Variants in FAM136A observed in about 807,000 individuals in gnomAD.
FAM136A encodes TIM double twin CX3C motif protein.
Under a neutral mutation model 21.6 loss-of-function variants are expected in FAM136A, and 25 were observed. The ratio of observed to expected loss-of-function variants is 1.16; its 90% confidence interval spans 0.84 to 1.62. The LOEUF is 1.62. Among genes scored for constraint, FAM136A ranks in the 40% most tolerant of loss-of-function variants. The probability of loss-of-function intolerance (pLI) is 0.00; values close to 1 mark genes in which losing one functional copy is unlikely to be tolerated. For synonymous variants in FAM136A, 119 were observed against 129.4 expected, an observed-to-expected ratio of 0.92 and a Z score of 0.55; for missense variants, 338 against 332.0, an observed-to-expected ratio of 1.02 and a Z score of -0.14.
intron 2 of FAM136A, among the ~76,000 whole-genome samples, chr2:70,298,370 A>G (rs1697310409): frequency 6.6e-6 from 1 of 152,218 alleles, no homozygotes; most frequent in South Asian, 2.1e-4. Context: ...TGCTGGGATT[A>G]TAGGTGTGAG....
At chr2:70,299,224 G>C (rs954053061) in intron 2 of FAM136A, among the ~76,000 whole-genome samples, 3 of 152,220 alleles carry the variant, frequency 2.0e-5, no homozygotes, top group African/African-American at 7.2e-5. Context: ...GGCTATGAAA[G>C]GCTGGCTTGG....
rs1697234531 is a variant in FAM136A at position 70,295,984 on chromosome 2, AAATT to A, written c.*1301_*1304del. ...GAAAGAAGACTCAATAGTGGGGAGAAAATTAAACCTTATTTATTTTTAAAGTCAA... is the reference window on the plus strand; with the variant it reads ...GAAAGAAGACTCAATAGTGGGGAGAAAAACCTTATTTATTTTTAAAGTCAA... On this transcript the variant is annotated 3_prime_UTR_variant, in exon 3 of 3. Transcript: ENST00000430566. The A allele has an allele frequency of 1.3e-5, 2 of 152,634 alleles. No homozygotes were observed. The highest frequency in any genetic ancestry group is 4.1e-4 in the South Asian group (2 of 4,838). The allele number at this position is 152,634 out of a possible 1,614,324, so 9.5% of individuals were successfully genotyped here. A position where few individuals can be genotyped will look rare whatever the true frequency, so the allele number is the denominator to read the frequency against.
In FAM136A at chr2:70,302,033, G is replaced by C. The variant is rs377292393; in HGVS notation, c.-22C>G. Reference sequence around the variant, plus strand: ...CCATGGCGACCCCGCGCTGCCCCGCGGCGCTCCGCGCCGGCGCCCATATGG... The same window carrying C: ...CCATGGCGACCCCGCGCTGCCCCGCCGCGCTCCGCGCCGGCGCCCATATGG... On this transcript the variant is annotated 5_prime_UTR_variant, in exon 1 of 3. Coordinates refer to ENST00000430566, the MANE Select transcript of FAM136A (RefSeq NM_001329752.2). 3.0e-4 allele frequency: 471 copies of C among 1,559,956 alleles called. No individual in the cohort carries two copies. In the African/African-American group the frequency reaches 6.2e-3, roughly 21 times the overall value.
At position 70,296,210 on chromosome 2, in the gene FAM136A, C is replaced by G. The variant is rs1158817684; in HGVS notation, c.*1079G>C. ...TAATGGGGGCTGTCTCTCCTTTGCT[C>G]TAAGGGAGTCAGCTCATCCTAGCCC... On this transcript the variant is annotated 3_prime_UTR_variant, in exon 3 of 3. Transcript: ENST00000430566. The G allele has an allele frequency of 6.4e-6, 1 of 156,222 alleles. No individual in the cohort carries two copies. The highest frequency in any genetic ancestry group is 1.4e-5 in the Non-Finnish European group (1 of 70,098). 9.7% of individuals were successfully genotyped at this position (156,222 alleles called of 1,614,324 possible).
intron 1 of FAM136A, 76 bp from the exon 2 acceptor site, chr2:70,301,056 A>G (rs1697383682): frequency 1.3e-6 from 2 of 1,497,472 alleles, no homozygotes; most frequent in Non-Finnish European, 1.8e-6. Context: ...TACAGGAGTT[A>G]GAAGGCCACG....
intron 2 of FAM136A, among the ~76,000 whole-genome samples, chr2:70,299,701 C>T (rs765601428): frequency 6.6e-6 from 1 of 151,854 alleles, no homozygotes; most frequent in Admixed American, 6.6e-5. Context: ...CCCGGATTCA[C>T]GCCATTCTCC....
rs908273631 is a variant in FAM136A at position 70,301,628 on chromosome 2, G to A, written c.384C>T (p.Ser128=). 5 of 1,535,780 alleles carry A rather than the reference G, an allele frequency of 3.3e-6. No individual in the cohort carries two copies. Among genetic ancestry groups the A allele is most frequent in the Admixed American group, 2.0e-5 (1 of 50,978 alleles). The part of the protein sequence containing the change: ...PWWQALAPPP[S]PLTRPLPQGL... ...CCTGCGGAAGGGGCCGCGTAAGAGG[G>A]GAAGGTGGTGGGGCGAGCGCCTGCC... is the stretch of plus-strand genomic sequence containing the variant. The change falls in exon 1 of 3, where the codon TCC becomes TCT. Residue 128 remains serine, a synonymous_variant. Coordinates refer to ENST00000430566, the MANE Select transcript of FAM136A (RefSeq NM_001329752.2).
In FAM136A at chr2:70,297,483, G is replaced by A; in HGVS notation, c.550-6C>T. 1 of 1,189,094 alleles carries A rather than the reference G, an allele frequency of 8.4e-7. No homozygotes were observed. Among genetic ancestry groups the A allele is most frequent in the Middle Eastern group, 2.0e-4 (1 of 5,020 alleles). 73.7% of individuals were successfully genotyped at this position (1,189,094 alleles called of 1,614,324 possible). ...GTGCACCGGGCCAGGCGGTCCTGTG[G>A]CAAGAAGGAAGAACGTAGAAAAAGC... On this transcript the variant is annotated splice_polypyrimidine_tract_variant and splice_region_variant and intron_variant, in intron 2 of 2. Transcript: ENST00000430566.
Position 70,297,401 on chromosome 2 carries a change from T to G in FAM136A, c.626A>C (p.Gln209Pro), listed in dbSNP as rs957724915. The change falls in exon 3 of 3, where the codon CAG (glutamine) becomes CCG (proline). Residue 209 changes from glutamine (Q) to proline (P), a missense_variant. Transcript: ENST00000430566. ...ACAACTGTCCAGCTGCTGCTTCACC[T>G]GAAGCTCCTTACTCCCAGCATCTAT... ...DSIDAGSKEL[Q>P]VKQQLDSCVT... The G allele has an allele frequency of 1.9e-6, 3 of 1,613,932 alleles. No homozygotes were observed. Among genetic ancestry groups the G allele is most frequent in the African/African-American group, 2.7e-5 (2 of 74,922 alleles).
chr2:70,301,248 G>C, intron 1 of FAM136A: 1 of 955,604 alleles, frequency 1.0e-6, no homozygotes. Flanking sequence ...AGGTTCGCCC[G>C]AGTGGGTGAG....
intron 1 of FAM136A, 168 bp downstream of exon 1, chr2:70,301,436 C>G: frequency 6.5e-7 from 1 of 1,535,456 alleles, no homozygotes; most frequent in Non-Finnish European, 8.7e-7. Context: ...CCGAAACACA[C>G]AGAGGCATTG....
Position 70,301,895 on chromosome 2 carries a change from G to A in FAM136A, c.117C>T (p.Pro39=), listed in dbSNP as rs746285350. The change falls in exon 1 of 3, where the codon CCC becomes CCT. Residue 39 remains proline, a synonymous_variant. Coordinates refer to ENST00000430566, the MANE Select transcript of FAM136A (RefSeq NM_001329752.2). The part of the protein sequence containing the change: ...QVAGLGPNQD[P]LLSGWVPGPS... ...GGCCCGGAACCCACCCGCTGAGAAG[G>A]GGGTCCTGGTTCGGCCCCAGCCCCG... 4 of 1,591,698 alleles carry A rather than the reference G, an allele frequency of 2.5e-6. No individual in the cohort carries two copies. Among genetic ancestry groups the A allele is most frequent in the Admixed American group, 3.5e-5 (2 of 56,800 alleles).
At position 70,302,020 on chromosome 2, in the gene FAM136A, C is replaced by T. The variant is rs932430352; in HGVS notation, c.-9G>A. The T allele has an allele frequency of 1.4e-5, 22 of 1,577,982 alleles. No individual in the cohort carries two copies. The highest frequency in any genetic ancestry group is 1.8e-5 in the Non-Finnish European group (21 of 1,165,442). On this transcript the variant is annotated 5_prime_UTR_variant, in exon 1 of 3. Coordinates refer to ENST00000430566, the MANE Select transcript of FAM136A (RefSeq NM_001329752.2). Reference sequence around the variant, plus strand: ...TGCTGCAGCTCAGCCATGGCGACCCCGCGCTGCCCCGCGGCGCTCCGCGCC... The same window carrying T: ...TGCTGCAGCTCAGCCATGGCGACCCTGCGCTGCCCCGCGGCGCTCCGCGCC...
At position 70,297,621 on chromosome 2, in the gene FAM136A, GTTTTTTT is replaced by G. The variant is rs55803921; in HGVS notation, c.550-151_550-145del. On this transcript the variant is annotated intron_variant, in intron 2 of 2. Transcript: ENST00000430566. ...GGGACATGGTAGTGTGATTGGCCAA[GTTTTTTT>G]TTTTTTTTTTTTTTTTGAGCAGAGT... 40 of 250,558 alleles carry G rather than the reference GTTTTTTT, an allele frequency of 1.6e-4. No homozygotes were observed. In the Middle Eastern group the frequency reaches 3.3e-3, roughly 21 times the overall value. 15.5% of individuals were successfully genotyped at this position (250,558 alleles called of 1,614,324 possible).
intron 2 of FAM136A, among the ~76,000 whole-genome samples, chr2:70,300,304 GAACTCCCCTGGT>G (rs1380993448): frequency 6.6e-6 from 1 of 152,032 alleles, no homozygotes; most frequent in Non-Finnish European, 1.5e-5. Context: ...TCTTGGTCAT[GAACTCCCCTGGT>G]AACTCCCCAT....
At chr2:70,298,404 C>T (rs1278471431) in intron 2 of FAM136A, among the ~76,000 whole-genome samples, 1 of 152,190 alleles carries the variant, frequency 6.6e-6, no homozygotes, top group African/African-American at 2.4e-5. Context: ...AAAGTCTGTT[C>T]TTTCTACAGG....
chr2:70,301,221 G>T (rs1463450821), intron 1 of FAM136A: 2 of 820,306 alleles, frequency 2.4e-6, no homozygotes, highest in Non-Finnish European at 3.7e-6. Flanking sequence ...CTGTTGCACC[G>T]ATGGTTGGGT....
rs1697255999 is a variant in FAM136A at position 70,296,685 on chromosome 2, A to C, written c.*604T>G. ...TGATGACCAGAAATGGGGATCCACA[A>C]GGAACATTTCAAAGTTCTTATCCAA... On this transcript the variant is annotated 3_prime_UTR_variant, in exon 3 of 3. Transcript: ENST00000430566. The C allele has an allele frequency of 6.6e-6, 1 of 152,232 alleles. No homozygotes were observed. Among genetic ancestry groups the C allele is most frequent in the Non-Finnish European group, 1.5e-5 (1 of 68,060 alleles). The allele number at this position is 152,232 out of a possible 1,614,324, so 9.4% of individuals were successfully genotyped here.
At chr2:70,301,186 G>A in intron 1 of FAM136A, 1 of 775,048 alleles carries the variant, frequency 1.3e-6, no homozygotes, top group East Asian at 2.7e-5. Flanking sequence ...GTTTCATGGT[G>A]TCCTTGCTGC....
Sources: gnomAD v4.1 joint callset for allele counts (sites outside exome capture counted in the v4.1 genomes callset) on GRCh38, gnomAD v4.1.1 for gene constraint, MANE v1.5 for transcripts, NCBI Gene and HGNC (gene_info 2026-07-23, HGNC 2026-07-21) for gene names.